Variants in KCNQ1 observed in about 807,000 individuals in gnomAD.
KCNQ1 encodes the protein potassium voltage-gated channel subfamily KQT member 1.
A neutral mutation model predicts 72.4 loss-of-function variants in KCNQ1; 49 were observed. The ratio of observed to expected loss-of-function variants is 0.68; its 90% CI spans 0.54 to 0.86. KCNQ1 has a LOEUF of 0.86. Ranked by LOEUF, KCNQ1 falls within the 40% of genes least tolerant of loss-of-function variation. The probability of loss-of-function intolerance (pLI) is 0.00; values close to 1 mark genes in which losing one functional copy is unlikely to be tolerated. For missense variants in KCNQ1, 790 were observed against 945.1 expected, an observed-to-expected ratio of 0.84 and a Z score of 2.15; for synonymous variants, 450 against 412.6, an observed-to-expected ratio of 1.09 and a Z score of -1.10.
chr11:2,588,905 C>A lies in KCNQ1; in HGVS notation c.1393+51C>A, dbSNP rs975087683. On this transcript the variant is annotated intron_variant, in intron 10 of 15. Coordinates refer to ENST00000155840, the MANE Select transcript of KCNQ1 (RefSeq NM_000218.3). The surrounding 1 kb of genome is among the most constrained non-coding windows in gnomAD (Gnocchi z 5.6). The stretch of plus-strand genomic sequence containing the variant: ...GCCGCGGGGCCGGGAAGGTCACTGC[C>A]TTTTTTGGGAGCCCGAGCAAGCCAG... The A allele has an allele frequency of 6.2e-7, 1 of 1,600,266 alleles. No individual in the cohort carries two copies.
chr11:2,474,409 C>T (rs1174302477), intron 1 of KCNQ1, among the ~76,000 whole-genome samples: 5 of 152,158 alleles, frequency 3.3e-5, no homozygotes, highest in African/African-American at 1.2e-4. Flanking sequence ...GGCACCCGAG[C>T]CCTGTGGGAA....
rs572953083 is a variant in KCNQ1, at chr11:2,565,759, C to G, written c.478-4869C>G. The stretch of plus-strand genomic sequence containing the variant: ...AGTGGCATCAGCCAAGGCTCCGAGG[C>G]GTTTCTTCCCACTTCACATGTCTTT... On this transcript the variant is annotated intron_variant, in intron 2 of 15. Coordinates refer to ENST00000155840, the MANE Select transcript of KCNQ1 (RefSeq NM_000218.3). This position sits in a 1 kb window ranked among gnomAD's most constrained non-coding sequence, Gnocchi z 5.6. Among the ~76,000 whole-genome samples, 1 of 152,316 alleles carries G rather than the reference C, an allele frequency of 6.6e-6. No homozygotes were observed. Among genetic ancestry groups the G allele is most frequent in the East Asian group, 1.9e-4 (1 of 5,180 alleles).
At chr11:2,490,204 A>G (rs983914204) in intron 1 of KCNQ1, among the ~76,000 whole-genome samples, 5 of 151,788 alleles carry the variant, frequency 3.3e-5, no homozygotes, top group Non-Finnish European at 5.9e-5. Flanking sequence ...AGGAGAAGGA[A>G]TTCTGGGTAT....
rs533214821 is a variant in KCNQ1, at chr11:2,471,722, A to C, written c.386+26238A>C. ...TGTGTATAGGTGTGTGTATGTGTGC[A>C]TGGGCGTGTGTATGTGTGCATGGGC... On this transcript the variant is annotated intron_variant, in intron 1 of 15. Transcript: ENST00000155840. This position sits in a 1 kb window ranked among gnomAD's most constrained non-coding sequence, Gnocchi z 4.8. Among the ~76,000 whole-genome samples, 3 of 138,970 alleles carry C rather than the reference A, an allele frequency of 2.2e-5. No individual in the cohort carries two copies. Among genetic ancestry groups the C allele is most frequent in the Non-Finnish European group, 4.5e-5 (3 of 66,398 alleles). The allele number at this position is 138,970 out of a possible 152,430, so 91.2% of individuals were successfully genotyped here.
In KCNQ1 at chr11:2,723,203, G is replaced by T. The variant is rs140970682; in HGVS notation, c.1515-45641G>T. Among the ~76,000 whole-genome samples, 823 of 152,320 alleles carry T rather than the reference G, an allele frequency of 5.4e-3. 8 individuals are homozygous for T. Among genetic ancestry groups the T allele is most frequent in the African/African-American group, 0.019 (790 of 41,562 alleles). On this transcript the variant is annotated intron_variant, in intron 11 of 15. Transcript: ENST00000155840. This position sits in a 1 kb window ranked among gnomAD's most constrained non-coding sequence, Gnocchi z 4.2. The stretch of plus-strand genomic sequence containing the variant: ...GGGTGTGGTGCTGCTTGTCCGTGGT[G>T]CTCCACACACCTGCCACAGCTGCTT...
At chr11:2,445,534 T>C (rs1303376660) in intron 1 of KCNQ1, 50 bp downstream of exon 1, 3 of 1,569,440 alleles carry the variant, frequency 1.9e-6, no homozygotes, top group African/African-American at 2.7e-5. Context: ...TCCTGAGAGC[T>C]GGTGTGGGGG....
chr11:2,835,819 A>G (rs1848052382), intron 15 of KCNQ1, among the ~76,000 whole-genome samples: 1 of 152,190 alleles, frequency 6.6e-6, no homozygotes, highest in Non-Finnish European at 1.5e-5. Flanking sequence ...GCGGCGGGGC[A>G]GCGGGCTCAG....
At chr11:2,801,851 T>G (rs1034764447) in intron 15 of KCNQ1, among the ~76,000 whole-genome samples, 54 of 152,226 alleles carry the variant, frequency 3.5e-4, no homozygotes, top group African/African-American at 1.2e-3. Context: ...AGACCAGCAG[T>G]GACAGGGATG....
rs116087280 is a variant in KCNQ1 at position 2,543,835 on chromosome 11, A to G, written c.477+15817A>G. On this transcript the variant is annotated intron_variant, in intron 2 of 15. Coordinates refer to ENST00000155840, the MANE Select transcript of KCNQ1 (RefSeq NM_000218.3). This position sits in a 1 kb window ranked among gnomAD's most constrained non-coding sequence, Gnocchi z 5.6. ...TTTCTTATGGATGACTGACTGGTCC[A>G]GTGTCATTTGTTGAAAAGAGTATCC... Among the ~76,000 whole-genome samples the G allele has an allele frequency of 6.3e-3, 952 of 152,272 alleles. 15 individuals are homozygous for G. The highest frequency in any genetic ancestry group is 0.022 in the African/African-American group (912 of 41,542).
rs940500302 is a variant in KCNQ1 at position 2,737,984 on chromosome 11, G to T, written c.1515-30860G>T. 4.6e-5 allele frequency among the ~76,000 whole-genome samples: 7 copies of T among 152,298 alleles called. No homozygotes were observed. In the East Asian group the frequency reaches 1.2e-3, roughly 25 times the overall value. ...CAGCTTCATCCATTTCCTGCTCCAG[G>T]CAGGGCCCTGGGCCTGGGCTGCAGG... On this transcript the variant is annotated intron_variant, in intron 11 of 15. Coordinates refer to ENST00000155840, the MANE Select transcript of KCNQ1 (RefSeq NM_000218.3).
At chr11:2,472,088 ATG>A in intron 1 of KCNQ1, among the ~76,000 whole-genome samples, 1 of 149,048 alleles carries the variant, frequency 6.7e-6, no homozygotes, top group South Asian at 2.1e-4. Flanking sequence ...TCATGTATAT[ATG>A]GGTGTGTGTG....
In KCNQ1 at chr11:2,710,633, C is replaced by CTGAAAG; in HGVS notation, c.1514+48552_1514+48553insTGAAAG. Among the ~76,000 whole-genome samples the CTGAAAG allele has an allele frequency of 6.6e-6, 1 of 152,158 alleles. No homozygotes were observed. Among genetic ancestry groups the CTGAAAG allele is most frequent in the East Asian group, 1.9e-4 (1 of 5,196 alleles). On this transcript the variant is annotated intron_variant, in intron 11 of 15. Coordinates refer to ENST00000155840, the MANE Select transcript of KCNQ1 (RefSeq NM_000218.3). The surrounding 1 kb of genome is among the most constrained non-coding windows in gnomAD (Gnocchi z 4.1). ...TGGCTCTTACACTTAGGTCTTTCAT[C>CTGAAAG]CGCTTTCAGTTAGTTTAACATATGG...
At chr11:2,535,984 G>A (rs981549790) in intron 2 of KCNQ1, among the ~76,000 whole-genome samples, 14 of 152,164 alleles carry the variant, frequency 9.2e-5, no homozygotes, top group African/African-American at 1.7e-4. Context: ...TGAGGCCCAC[G>A]GGGCATGGCA....
intron 15 of KCNQ1, among the ~76,000 whole-genome samples, chr11:2,819,194 C>A (rs233448): frequency 2.0e-5 from 3 of 152,132 alleles, no homozygotes; most frequent in Non-Finnish European, 2.9e-5. Context: ...AGCCAAAGTC[C>A]CTCCTCCCAA....
chr11:2,576,058 C>T (rs1201435457), intron 6 of KCNQ1, among the ~76,000 whole-genome samples: 2 of 152,220 alleles, frequency 1.3e-5, no homozygotes, highest in African/African-American at 4.8e-5. Context: ...GCTTTAGGGT[C>T]CACCCAGGTG....
chr11:2,509,072 A>G lies in KCNQ1; in HGVS notation c.387-18856A>G, dbSNP rs1847150775. Among the ~76,000 whole-genome samples, 1 of 152,234 alleles carries G rather than the reference A, an allele frequency of 6.6e-6. No homozygotes were observed. The highest frequency in any genetic ancestry group is 1.5e-5 in the Non-Finnish European group (1 of 68,034). ...GAGGAGCTATTGCTCAGGGTGAAATAGAGGTCTTGAAATTAGTACAACACA... is the reference window on the plus strand; with the variant it reads ...GAGGAGCTATTGCTCAGGGTGAAATGGAGGTCTTGAAATTAGTACAACACA... On this transcript the variant is annotated intron_variant, in intron 1 of 15. Transcript: ENST00000155840. This position sits in a 1 kb window ranked among gnomAD's most constrained non-coding sequence, Gnocchi z 6.3.
Position 2,695,316 on chromosome 11 carries a change from TTATTTA to T in KCNQ1, c.1514+33239_1514+33244del, listed in dbSNP as rs1850655149. 2.5e-6 allele frequency: 1 copy of T among 395,380 alleles called. No individual in the cohort carries two copies. The highest frequency in any genetic ancestry group is 2.1e-5 in the African/African-American group (1 of 47,338). The allele number at this position is 395,380 out of a possible 1,614,324, so 24.5% of individuals were successfully genotyped here. On this transcript the variant is annotated intron_variant, in intron 11 of 15. Transcript: ENST00000155840. This position sits in a 1 kb window ranked among gnomAD's most constrained non-coding sequence, Gnocchi z 5.2. ...ACACAAACAGCTTCTCCAGGGTAAT[TTATTTA>T]TATCATTGTGTGTGTGTGTGTGCAC...
intron 2 of KCNQ1, among the ~76,000 whole-genome samples, chr11:2,546,597 G>A (rs1039802801): frequency 1.3e-5 from 2 of 151,776 alleles, no homozygotes; most frequent in African/African-American, 4.8e-5. Flanking sequence ...TTATTCTTCA[G>A]TTCTTTATTC....
chr11:2,750,362 C>T lies in KCNQ1; in HGVS notation c.1515-18482C>T, dbSNP rs936746945. Among the ~76,000 whole-genome samples, 3 of 152,180 alleles carry T rather than the reference C, an allele frequency of 2.0e-5. No homozygotes were observed. The highest frequency in any genetic ancestry group is 7.2e-5 in the African/African-American group (3 of 41,450). ...ACCAGTTGGGGGAATCCATGGGAGGCTTTAGCCCTGCTCTGTGAACTGCTG... is the reference window on the plus strand; with the variant it reads ...ACCAGTTGGGGGAATCCATGGGAGGTTTTAGCCCTGCTCTGTGAACTGCTG... On this transcript the variant is annotated intron_variant, in intron 11 of 15. Coordinates refer to ENST00000155840, the MANE Select transcript of KCNQ1 (RefSeq NM_000218.3). This position sits in a 1 kb window ranked among gnomAD's most constrained non-coding sequence, Gnocchi z 6.3.
Sources: gnomAD v4.1 joint callset for allele counts (sites outside exome capture counted in the v4.1 genomes callset) on GRCh38, gnomAD v4.1.1 for gene constraint, Gnocchi (gnomAD v3.1) non-coding constraint, MANE v1.5 for transcripts, NCBI Gene and HGNC (gene_info 2026-07-23, HGNC 2026-07-21) for gene names.